PTPRH: variants seen among roughly 807,000 people sequenced by gnomAD.
PTPRH encodes the protein protein tyrosine phosphatase receptor type H, also known as receptor-type tyrosine-protein phosphatase H.
In PTPRH, 113 loss-of-function variants were observed where a neutral mutation model predicts 130.2. The ratio of observed to expected loss-of-function variants is 0.87; its 90% CI spans 0.75 to 1.01. The LOEUF is 1.01. Among genes scored for constraint, PTPRH ranks in the 50% least tolerant of loss-of-function variants. PTPRH has a pLI of 0.00. For synonymous variants in PTPRH, 556 were observed against 577.9 expected (o/e 0.96, Z 0.54); for missense variants, 1,430 against 1,425.0 (o/e 1.00, Z -0.06).
At position 55,186,500 on chromosome 19, in the gene PTPRH, C is replaced by T; in HGVS notation, c.2607G>A (p.Glu869=). The T allele has an allele frequency of 6.4e-7, 1 of 1,556,314 alleles. No homozygotes were observed. Among genetic ancestry groups the T allele is most frequent in the African/African-American group, 1.7e-5 (1 of 59,996 alleles). The part of the protein sequence containing the change: ...SRVPLKPIHE[E]PGSDYINASF... ...TGGCATTGATGTAGTCAGAGCCTGG[C>T]TCCTCATGGATGGGCTTCAGGGGCA... is the stretch of plus-strand genomic sequence containing the variant. Residue 869 remains glutamate (E), a synonymous_variant, in exon 15 of 20, where the codon GAG becomes GAA. Coordinates refer to ENST00000376350, the MANE Select transcript of PTPRH (RefSeq NM_002842.5).
chr19:55,201,269 T>C (rs533037267), intron 6 of PTPRH, among the ~76,000 whole-genome samples: 11 of 152,058 alleles, frequency 7.2e-5, no homozygotes, highest in Admixed American at 7.2e-4. Flanking sequence ...CCCTGCTACT[T>C]GGGAGGCTGA....
rs1220393975 is a variant in PTPRH, at chr19:55,200,505, G to A, written c.1154-3C>T. 3 of 1,613,570 alleles carry A rather than the reference G, an allele frequency of 1.9e-6. No homozygotes were observed. The highest frequency in any genetic ancestry group is 2.5e-6 in the Non-Finnish European group (3 of 1,179,766). Reference sequence around the variant, plus strand: ...GAGGTTTCTCACTGGGTTGGGGGCTGAGAAAGTAGGAAGAAGATCCTATGT... The same window carrying A: ...GAGGTTTCTCACTGGGTTGGGGGCTAAGAAAGTAGGAAGAAGATCCTATGT... On this transcript the variant is annotated splice_region_variant and splice_polypyrimidine_tract_variant and intron_variant, in intron 6 of 19. Coordinates refer to ENST00000376350, the MANE Select transcript of PTPRH (RefSeq NM_002842.5).
In PTPRH at chr19:55,185,881, C is replaced by A; in HGVS notation, c.2882G>T (p.Arg961Leu). ...GEEVMENWTV[R>L]ELLLLQVEEQ... Reference sequence around the variant, plus strand: ...ACGCACCTGGAGGAGCAGCAGTTCCCGCACCGTCCAGTTCTCCATCACTTC... The same window carrying A: ...ACGCACCTGGAGGAGCAGCAGTTCCAGCACCGTCCAGTTCTCCATCACTTC... The change falls in exon 17 of 20, where the codon CGG (arginine) becomes CTG (leucine). Residue 961 changes from arginine to leucine, a missense_variant. Arg to Leu is a moderately radical substitution (Grantham distance 102). Transcript: ENST00000376350. 1 of 1,614,120 alleles carries A rather than the reference C, an allele frequency of 6.2e-7. No homozygotes were observed. The highest frequency in any genetic ancestry group is 8.5e-7 in the Non-Finnish European group (1 of 1,180,020).
In PTPRH at chr19:55,191,110, G is replaced by A. The variant is rs543956873; in HGVS notation, c.2384+391C>T. ...GCCTGCCTCAGCTTCCCAAAGTGCT[G>A]GGATTACAGGCATGAGCCACCGCAC... On this transcript the variant is annotated intron_variant, in intron 12 of 19. Coordinates refer to ENST00000376350, the MANE Select transcript of PTPRH (RefSeq NM_002842.5). 2.0e-5 allele frequency among the ~76,000 whole-genome samples: 3 copies of A among 152,306 alleles called. No individual in the cohort carries two copies. The East Asian group carries it at 5.8e-4, about 29-fold the overall frequency.
At position 55,198,803 on chromosome 19, in the gene PTPRH, G is replaced by C. The variant is rs746066416; in HGVS notation, c.1530C>G (p.Val510=). 1 of 1,612,250 alleles carries C rather than the reference G, an allele frequency of 6.2e-7. No homozygotes were observed. Among genetic ancestry groups the C allele is most frequent in the Non-Finnish European group, 8.5e-7 (1 of 1,178,938 alleles). The change falls in exon 8 of 20, where the codon GTC becomes GTG. Residue 510 remains valine (V), a synonymous_variant. Transcript: ENST00000376350. ...GPGQSSYSYW[V]SWVREGMTDP... ...CAGTCATGCCTTCCCTGACCCATGAGACCCAGTAGCTGTAGGAAGACTGGC... is the reference window on the plus strand; with the variant it reads ...CAGTCATGCCTTCCCTGACCCATGACACCCAGTAGCTGTAGGAAGACTGGC...
intron 10 of PTPRH, among the ~76,000 whole-genome samples, chr19:55,195,644 G>T (rs578174886): frequency 6.6e-6 from 1 of 152,194 alleles, no homozygotes; most frequent in Non-Finnish European, 1.5e-5. Context: ...CCCGATCATA[G>T]TTCACTGCAG....
chr19:55,189,158 G>GT (rs2147420232), intron 12 of PTPRH, among the ~76,000 whole-genome samples: 1 of 152,106 alleles, frequency 6.6e-6, no homozygotes, highest in Admixed American at 6.6e-5. Flanking sequence ...GCTAATTTTT[G>GT]TATTTTTAGT....
At chr19:55,188,691 C>A (rs2147416118) in intron 12 of PTPRH, among the ~76,000 whole-genome samples, 1 of 152,282 alleles carries the variant, frequency 6.6e-6, no homozygotes, top group East Asian at 1.9e-4. Context: ...CGTGGCCTCC[C>A]TGTCTGTAAT....
At chr19:55,184,883 C>A (rs1201612290) in intron 18 of PTPRH, among the ~76,000 whole-genome samples, 1 of 152,128 alleles carries the variant, frequency 6.6e-6, no homozygotes, top group Non-Finnish European at 1.5e-5. Flanking sequence ...CACTCCAGCA[C>A]AGGGAAGTGT....
At chr19:55,192,196 A>G in intron 10 of PTPRH, 1 of 350,738 alleles carries the variant, frequency 2.9e-6, no homozygotes, top group South Asian at 2.2e-5. Context: ...AGGTCAGGAG[A>G]TCGAGACCAT....
At position 55,182,162 on chromosome 19, in the gene PTPRH, C is replaced by T; in HGVS notation, c.3063-11G>A. ...CGACCCACGCCAGCACTAGGCAGAA[C>T]AAGGGAAGGGTCAGACCAAGGGGCA... On this transcript the variant is annotated splice_polypyrimidine_tract_variant and intron_variant, in intron 18 of 19. Transcript: ENST00000376350. 1 of 1,612,756 alleles carries T rather than the reference C, an allele frequency of 6.2e-7. No homozygotes were observed.
At chr19:55,186,577 C>T (rs769841540) in intron 14 of PTPRH, 37 bp from the exon 15 acceptor site, 7 of 1,607,320 alleles carry the variant, frequency 4.4e-6, no homozygotes, top group Non-Finnish European at 5.1e-6. Context: ...GGCAGAGAGA[C>T]CCAGAGAGGC....
At chr19:55,203,163 T>C (rs1160433995) in intron 5 of PTPRH, among the ~76,000 whole-genome samples, 1 of 149,942 alleles carries the variant, frequency 6.7e-6, no homozygotes, top group East Asian at 2.0e-4. Flanking sequence ...CCGTCTCTAC[T>C]AAAAATACAA....
chr19:55,205,233 C>T lies in PTPRH; in HGVS notation c.619+93G>A, dbSNP rs542882780. ...GACATGAGTACCTGGCTCAATGTGG[C>T]CCAGAGGGACTATGGAATAGAAATC... On this transcript the variant is annotated intron_variant, in intron 4 of 19. Coordinates refer to ENST00000376350, the MANE Select transcript of PTPRH (RefSeq NM_002842.5). 122 of 1,563,690 alleles carry T rather than the reference C, an allele frequency of 7.8e-5. 1 individual carries two copies. The South Asian group carries it at 1.4e-3, about 18-fold the overall frequency.
At chr19:55,195,791 G>A (rs957211675) in intron 10 of PTPRH, among the ~76,000 whole-genome samples, 4 of 152,096 alleles carry the variant, frequency 2.6e-5, no homozygotes, top group South Asian at 2.1e-4. Context: ...GACTGGTCTC[G>A]AACTCCTGAG....
intron 12 of PTPRH, among the ~76,000 whole-genome samples, chr19:55,189,025 G>A (rs988740605): frequency 1.3e-5 from 2 of 151,906 alleles, no homozygotes; most frequent in East Asian, 1.9e-4. Context: ...TCATCCTGTC[G>A]CCCAGGTTGG....
chr19:55,189,459 G>T (rs1339385408), intron 12 of PTPRH, among the ~76,000 whole-genome samples: 1 of 152,120 alleles, frequency 6.6e-6, no homozygotes, highest in Admixed American at 6.6e-5. Context: ...ACGTCTCTCT[G>T]ACCTCACTTC....
chr19:55,185,938 TG>T lies in PTPRH; in HGVS notation c.2824del (p.His942MetfsTer6), dbSNP rs565449753. 732 of 1,613,940 alleles carry T rather than the reference TG, an allele frequency of 4.5e-4. 4 individuals are homozygous for T. Among genetic ancestry groups the T allele is most frequent in the Non-Finnish European group, 6.0e-4 (703 of 1,179,976 alleles). Reference protein sequence around the residue: ...YWPLDSQPCTHGHLRVTLVGE... With the variant: ...YWPLDSQPCTXGHLRVTLVGE... ...TACCAGGGTTACCCGCAGGTGCCCA[TG>T]GGTGCAGGGCTGCGAGTCCAGAGGC... On this transcript the variant is annotated frameshift_variant, in exon 17 of 20. Coordinates refer to ENST00000376350, the MANE Select transcript of PTPRH (RefSeq NM_002842.5).
At position 55,200,177 on chromosome 19, in the gene PTPRH, C is replaced by T. The variant is rs777385013; in HGVS notation, c.1420+59G>A. The T allele has an allele frequency of 2.5e-5, 40 of 1,586,072 alleles. No homozygotes were observed. The Admixed American group carries it at 2.6e-4, about 10-fold the overall frequency. On this transcript the variant is annotated intron_variant, in intron 7 of 19. Transcript: ENST00000376350. ...CCAGAGCCCAGAAGAGGTGCCACGC[C>T]GCTCCTGCTGGTTCTTAACCTCTCA...
Sources: gnomAD v4.1 joint callset for allele counts (sites outside exome capture counted in the v4.1 genomes callset) on GRCh38, gnomAD v4.1.1 for gene constraint, MANE v1.5 for transcripts, NCBI Gene and HGNC (gene_info 2026-07-23, HGNC 2026-07-21) for gene names.